CPXM2: variants seen among roughly 807,000 people sequenced by gnomAD.
CPXM2 encodes the protein inactive carboxypeptidase-like protein X2.
Under a neutral mutation model 86.1 loss-of-function variants are expected in CPXM2, and 66 were observed. The observed-to-expected ratio is 0.77, with a 90% CI of 0.63 to 0.94. CPXM2 has a LOEUF of 0.94. Among genes scored for constraint, CPXM2 ranks in the 40% least tolerant of loss-of-function variants. CPXM2 has a pLI of 0.00. For missense variants in CPXM2, 948 were observed against 1,026.3 expected (o/e 0.92, Z 1.04); for synonymous variants, 388 against 400.2 (o/e 0.97, Z 0.36).
chr10:123,757,168 C>G (rs142645729), intron 12 of CPXM2, 45 bp downstream of exon 12: 2 of 1,585,670 alleles, frequency 1.3e-6, no homozygotes, highest in African/African-American at 2.7e-5. Flanking sequence ...GCAGCCTCAT[C>G]CCCCAGCTAG....
At chr10:123,753,742 T>C (rs1846132654) in intron 13 of CPXM2, among the ~76,000 whole-genome samples, 1 of 152,184 alleles carries the variant, frequency 6.6e-6, no homozygotes, top group South Asian at 2.1e-4. Flanking sequence ...TCTTACAATT[T>C]CTTTTCTTCC....
intron 2 of CPXM2, among the ~76,000 whole-genome samples, chr10:123,877,960 C>T (rs1234812496): frequency 6.6e-6 from 1 of 152,154 alleles, no homozygotes; most frequent in Non-Finnish European, 1.5e-5. Context: ...CCCCGCCTTG[C>T]AAATGAAGTG....
intron 2 of CPXM2, among the ~76,000 whole-genome samples, chr10:123,868,820 G>T (rs1029122896): frequency 6.6e-6 from 1 of 152,074 alleles, no homozygotes; most frequent in Non-Finnish European, 1.5e-5. Context: ...GGACTGCATG[G>T]CACTTCCCGC....
chr10:123,791,766 C>A (rs531295834), intron 6 of CPXM2, among the ~76,000 whole-genome samples: 1 of 152,302 alleles, frequency 6.6e-6, no homozygotes, highest in Admixed American at 6.5e-5. Flanking sequence ...CTACAAGGAC[C>A]CTGTTTCTAA....
intron 2 of CPXM2, among the ~76,000 whole-genome samples, chr10:123,919,084 G>GGAACTGACATAAA (rs1945560104): frequency 7.2e-6 from 1 of 139,022 alleles, no homozygotes; most frequent in Non-Finnish European, 1.6e-5. Flanking sequence ...GTGCACGTAT[G>GGAACTGACATAAA]GAACTGACAT....
chr10:123,850,512 T>C lies in CPXM2; in HGVS notation c.514-8024A>G, dbSNP rs530292271. Among the ~76,000 whole-genome samples, 30 of 151,566 alleles carry C rather than the reference T, an allele frequency of 2.0e-4. 1 individual carries two copies. The highest frequency in any genetic ancestry group is 3.4e-3 in the Middle Eastern group (1 of 294). On this transcript the variant is annotated intron_variant, in intron 3 of 13. Coordinates refer to ENST00000241305, the MANE Select transcript of CPXM2 (RefSeq NM_198148.3). ...TCCAACGTTGATGTGAATCCTCCCT[T>C]TGTCTGGCGATCCACACTGTCTACT...
chr10:123,898,642 A>G (rs117151400), intron 2 of CPXM2, among the ~76,000 whole-genome samples: 11,211 of 150,452 alleles, frequency 0.075, 570 homozygotes, highest in East Asian at 0.18. Flanking sequence ...GTCTCCAAAA[A>G]CAAACAAACA....
rs138369380 is a variant in CPXM2, at chr10:123,867,166, A to G, written c.404-4443T>C. ...TTAAGCATAAAGTAGTCTAAGCACA[A>G]GCCCACTATCCCACATCCCTTTATG... is the stretch of plus-strand genomic sequence containing the variant. On this transcript the variant is annotated intron_variant, in intron 2 of 13. Coordinates refer to ENST00000241305, the MANE Select transcript of CPXM2 (RefSeq NM_198148.3). Among the ~76,000 whole-genome samples, 3 of 152,368 alleles carry G rather than the reference A, an allele frequency of 2.0e-5. No individual in the cohort carries two copies. In the East Asian group the frequency reaches 5.8e-4, roughly 29 times the overall value.
chr10:123,850,892 T>C (rs891440515), intron 3 of CPXM2, among the ~76,000 whole-genome samples: 16 of 152,332 alleles, frequency 1.1e-4, no homozygotes, highest in Middle Eastern at 6.8e-3. Context: ...TCTTCGAATA[T>C]ATCCCCCAGA....
intron 4 of CPXM2, among the ~76,000 whole-genome samples, chr10:123,807,855 G>A (rs115334144): frequency 0.017 from 2,580 of 152,234 alleles, 86 homozygotes; most frequent in African/African-American, 0.057. Flanking sequence ...CACTGTTGTG[G>A]CTTTTTTCCA....
Position 123,855,644 on chromosome 10 carries a change from A to T in CPXM2, c.513+6970T>A, listed in dbSNP as rs151041251. Among the ~76,000 whole-genome samples, 369 of 152,308 alleles carry T rather than the reference A, an allele frequency of 2.4e-3. 1 individual carries two copies. The highest frequency in any genetic ancestry group is 3.9e-3 in the Non-Finnish European group (263 of 68,014). The stretch of plus-strand genomic sequence containing the variant: ...GAACATGAGCTGTGACACAGGATAA[A>T]ACTCAGTTGGTTCAATGTTCTAAAA... On this transcript the variant is annotated intron_variant, in intron 3 of 13. Transcript: ENST00000241305.
rs1017556421 is a variant in CPXM2, at chr10:123,876,431, C to G, written c.403+3780G>C. ...ACTGTGATATGAGAAAGGAGGGAAC[C>G]AGCACCATAAGAAAGAAGCATGGGA... is the stretch of plus-strand genomic sequence containing the variant. On this transcript the variant is annotated intron_variant, in intron 2 of 13. Coordinates refer to ENST00000241305, the MANE Select transcript of CPXM2 (RefSeq NM_198148.3). Among the ~76,000 whole-genome samples the G allele has an allele frequency of 2.6e-5, 4 of 152,214 alleles. No homozygotes were observed. The East Asian group carries it at 7.7e-4, about 29-fold the overall frequency.
At chr10:123,830,698 A>C (rs1167970099) in intron 4 of CPXM2, among the ~76,000 whole-genome samples, 1 of 152,144 alleles carries the variant, frequency 6.6e-6, no homozygotes, top group Non-Finnish European at 1.5e-5. Flanking sequence ...ACCCATGGCC[A>C]AATTATAACT....
chr10:123,850,552 G>A (rs1848579161), intron 3 of CPXM2, among the ~76,000 whole-genome samples: 1 of 152,186 alleles, frequency 6.6e-6, no homozygotes, highest in South Asian at 2.1e-4. Context: ...CCGCCCAGTA[G>A]TCACTTAGCA....
chr10:123,751,394 C>G (rs1846072971), intron 13 of CPXM2: 1 of 381,686 alleles, frequency 2.6e-6, no homozygotes, highest in Non-Finnish European at 3.6e-6. Context: ...CCCTTGTTAT[C>G]TACCCTTTGC....
intron 6 of CPXM2, among the ~76,000 whole-genome samples, chr10:123,791,255 A>G (rs1192370573): frequency 1.4e-4 from 21 of 152,114 alleles, no homozygotes; most frequent in Admixed American, 1.4e-3. Flanking sequence ...CTCTACTACA[A>G]AAACTACAAA....
At chr10:123,895,121 C>CTTTTTTTTTTTTTTTTTTT (rs869104432), upstream of CPXM2, among the ~76,000 whole-genome samples, 12 of 85,894 alleles carry the variant, frequency 1.4e-4, no homozygotes, top group South Asian at 4.5e-4. Context: ...TCTTTTTTTT[C>CTTTTTTTTTTTTTTTTTTT]TTTTTTTTTT....
chr10:123,766,601 G>A (rs1846478590), intron 10 of CPXM2, among the ~76,000 whole-genome samples: 1 of 152,144 alleles, frequency 6.6e-6, no homozygotes, highest in Admixed American at 6.5e-5. Context: ...CCAAGGGGAT[G>A]TACTAAAATA....
intron 4 of CPXM2, among the ~76,000 whole-genome samples, chr10:123,807,624 C>T (rs779208099): frequency 1.2e-4 from 18 of 152,148 alleles, no homozygotes; most frequent in Non-Finnish European, 1.8e-4. Context: ...GAGACAAGTA[C>T]AGCAAGTCGT....
Sources: gnomAD v4.1 joint callset for allele counts (sites outside exome capture counted in the v4.1 genomes callset) on GRCh38, gnomAD v4.1.1 for gene constraint, MANE v1.5 for transcripts, NCBI Gene and HGNC (gene_info 2026-07-23, HGNC 2026-07-21) for gene names.